DIRAS3: variants seen among roughly 807,000 people sequenced by gnomAD.
DIRAS3 encodes the protein DIRAS family GTPase 3.
For missense variants in DIRAS3, 248 were observed against 300.6 expected (o/e 0.83, Z 1.29); for synonymous variants, 133 against 131.4 (o/e 1.01, Z -0.08).
In DIRAS3 at chr1:68,046,930, G is replaced by T; in HGVS notation, c.368C>A (p.Thr123Asn). The T allele has an allele frequency of 6.2e-7, 1 of 1,614,146 alleles. No individual in the cohort carries two copies. Among genetic ancestry groups the T allele is most frequent in the Non-Finnish European group, 8.5e-7 (1 of 1,180,028 alleles). The change falls in exon 2 of 2, where the codon ACC becomes AAC. Residue 123 changes from threonine (T) to asparagine (N), a missense_variant. By Grantham distance (65) the Thr-to-Asn change is moderately conservative. Coordinates refer to ENST00000646789, the MANE Select transcript of DIRAS3 (RefSeq NM_004675.5). Reference protein sequence around the residue: ...VLVYSVTKKETLEELKAFYEL... With the variant: ...VLVYSVTKKENLEELKAFYEL... Reference sequence around the variant, plus strand: ...ATAGAAGGCCTTCAGCTCTTCCAGGGTTTCCTTCTTGGTGACTGAGTAGAC... The same window carrying T: ...ATAGAAGGCCTTCAGCTCTTCCAGGTTTTCCTTCTTGGTGACTGAGTAGAC...
At chr1:68,047,526 C>T (rs529163348) in intron 1 of DIRAS3, among the ~76,000 whole-genome samples, 164 bp from the exon 2 acceptor site, 1 of 152,194 alleles carries the variant, frequency 6.6e-6, no homozygotes, top group East Asian at 1.9e-4. Flanking sequence ...ACAGTTCAGC[C>T]TGCTAGACCG....
At chr1:68,049,966 C>CCCCG (rs1553174085) in intron 1 of DIRAS3, among the ~76,000 whole-genome samples, 3 of 148,540 alleles carry the variant, frequency 2.0e-5, no homozygotes, top group African/African-American at 7.8e-5. Flanking sequence ...GTGGACCCCC[C>CCCCG]CCCCCACTCC....
At position 68,046,550 on chromosome 1, in the gene DIRAS3, G is replaced by T; in HGVS notation, c.*58C>A. ...CCATGTACATGTAACATAGTGAAATGAGTCCACGTTTTCTACACGCTACAG... is the reference window on the plus strand; with the variant it reads ...CCATGTACATGTAACATAGTGAAATTAGTCCACGTTTTCTACACGCTACAG... On this transcript the variant is annotated 3_prime_UTR_variant, in exon 2 of 2. Transcript: ENST00000646789. 1 of 1,483,190 alleles carries T rather than the reference G, an allele frequency of 6.7e-7. No individual in the cohort carries two copies. Among genetic ancestry groups the T allele is most frequent in the Non-Finnish European group, 9.2e-7 (1 of 1,089,232 alleles). 91.9% of individuals were successfully genotyped at this position (1,483,190 alleles called of 1,614,324 possible).
chr1:68,048,049 AATATATATATATATATATAT>A lies in DIRAS3; in HGVS notation c.-65-707_-65-688del, dbSNP rs57871159. Among the ~76,000 whole-genome samples, 11 of 7,272 alleles carry A rather than the reference AATATATATATATATATATAT, an allele frequency of 1.5e-3. No individual in the cohort carries two copies. The South Asian group carries it at 0.025, about 16-fold the overall frequency. The allele number at this position is 7,272 out of a possible 152,430, so 4.8% of individuals were successfully genotyped here. Reference sequence around the variant, plus strand: ...AAAAAAAAAAAAAAAAAAAAAAAAAAATATATATATATATATATATATATATATATATATGAACCTTTCTC... The same window carrying A: ...AAAAAAAAAAAAAAAAAAAAAAAAAAATATATATATATATGAACCTTTCTC... On this transcript the variant is annotated intron_variant, in intron 1 of 1. Transcript: ENST00000646789.
At position 68,047,121 on chromosome 1, in the gene DIRAS3, G is replaced by A. The variant is rs1297000024; in HGVS notation, c.177C>T (p.Ser59=). 2.5e-6 allele frequency: 4 copies of A among 1,614,036 alleles called. No individual in the cohort carries two copies. The African/African-American group carries it at 5.3e-5, about 22-fold the overall frequency. Reference sequence around the variant, plus strand: ...GCAGGTACTCATGACGGAAGTTGCCGCTCGCCCACTTGTGCAGCAGCGTAC... The same window carrying A: ...GCAGGTACTCATGACGGAAGTTGCCACTCGCCCACTTGTGCAGCAGCGTAC... ...GKSTLLHKWA[S]GNFRHEYLPT... Residue 59 remains serine, a synonymous_variant, in exon 2 of 2, where the codon AGC becomes AGT. Coordinates refer to ENST00000646789, the MANE Select transcript of DIRAS3 (RefSeq NM_004675.5).
At chr1:68,049,965 C>G (rs375258423) in intron 1 of DIRAS3, among the ~76,000 whole-genome samples, 1 of 148,288 alleles carries the variant, frequency 6.7e-6, no homozygotes, top group Non-Finnish European at 1.5e-5. Flanking sequence ...AGTGGACCCC[C>G]CCCCCCACTC....
intron 1 of DIRAS3, among the ~76,000 whole-genome samples, chr1:68,047,843 G>C (rs1425716161): frequency 6.7e-6 from 1 of 150,144 alleles, no homozygotes; most frequent in Non-Finnish European, 1.5e-5. Context: ...CAGGAGAAAG[G>C]AGGGGGTTTT....
At chr1:68,049,424 G>C (rs1397520502) in intron 1 of DIRAS3, 1 of 152,532 alleles carries the variant, frequency 6.6e-6, no homozygotes, top group Non-Finnish European at 1.5e-5. Context: ...ACCTTTAATA[G>C]AATTTAGCTT....
rs115584933 is a variant in DIRAS3, at chr1:68,050,019, C to A, written c.-66+529G>T. On this transcript the variant is annotated intron_variant, in intron 1 of 1. Coordinates refer to ENST00000646789, the MANE Select transcript of DIRAS3 (RefSeq NM_004675.5). This position sits in a 1 kb window ranked among gnomAD's most constrained non-coding sequence, Gnocchi z 4.5. ...CCTTCCCAGGCCACCTGGCCTCAGG[C>A]TGAGGGGGAGGTGAAAGTTTCCAGG... Among the ~76,000 whole-genome samples, 1,309 of 142,044 alleles carry A rather than the reference C, an allele frequency of 9.2e-3. 20 individuals are homozygous for A. Among genetic ancestry groups the A allele is most frequent in the African/African-American group, 0.032 (1,263 of 39,012 alleles). 93.2% of individuals were successfully genotyped at this position (142,044 alleles called of 152,430 possible).
Position 68,050,550 on chromosome 1 carries a change from T to G in DIRAS3, c.-68A>C, listed in dbSNP as rs1031671869. On this transcript the variant is annotated splice_region_variant and 5_prime_UTR_variant, in exon 1 of 2. Transcript: ENST00000646789. The surrounding 1 kb of genome is among the most constrained non-coding windows in gnomAD (Gnocchi z 4.5). ...AAAAAAGCGAAAGAAAGACTTACCTTTCTCGGAGGCACGAACCAAGCAGCC... is the reference window on the plus strand; with the variant it reads ...AAAAAAGCGAAAGAAAGACTTACCTGTCTCGGAGGCACGAACCAAGCAGCC... The G allele has an allele frequency of 6.6e-6, 1 of 152,120 alleles. No homozygotes were observed. The highest frequency in any genetic ancestry group is 1.5e-5 in the Non-Finnish European group (1 of 68,036). 9.4% of individuals were successfully genotyped at this position (152,120 alleles called of 1,614,324 possible).
chr1:68,047,122 C>T lies in DIRAS3; in HGVS notation c.176G>A (p.Ser59Asn). Residue 59 changes from serine (S) to asparagine (N), a missense_variant, in exon 2 of 2, where the codon AGC (serine) becomes AAC (asparagine). Transcript: ENST00000646789. Reference sequence around the variant, plus strand: ...CAGGTACTCATGACGGAAGTTGCCGCTCGCCCACTTGTGCAGCAGCGTACT... The same window carrying T: ...CAGGTACTCATGACGGAAGTTGCCGTTCGCCCACTTGTGCAGCAGCGTACT... ...GKSTLLHKWA[S>N]GNFRHEYLPT... 2 of 1,614,206 alleles carry T rather than the reference C, an allele frequency of 1.2e-6. No individual in the cohort carries two copies. Among genetic ancestry groups the T allele is most frequent in the East Asian group, 2.2e-5 (1 of 44,876 alleles).
intron 1 of DIRAS3, among the ~76,000 whole-genome samples, chr1:68,047,922 G>A (rs1645689243): frequency 6.8e-6 from 1 of 147,640 alleles, no homozygotes; most frequent in South Asian, 2.2e-4. Context: ...AAGAGGCATG[G>A]GGAGCACCTT....
Position 68,047,002 on chromosome 1 carries a change from C to A in DIRAS3, c.296G>T (p.Arg99Leu), listed in dbSNP as rs776654083. 8 of 1,614,044 alleles carry A rather than the reference C, an allele frequency of 5.0e-6. No homozygotes were observed. Among genetic ancestry groups the A allele is most frequent in the Non-Finnish European group, 5.1e-6 (6 of 1,180,046 alleles). Residue 99 changes from arginine (R) to leucine (L), a missense_variant, in exon 2 of 2, where the codon CGC becomes CTC. Coordinates refer to ENST00000646789, the MANE Select transcript of DIRAS3 (RefSeq NM_004675.5). ...GGCTATAACGTGGCGCTGCAGAGCGCGGTTGCCGTCGCCACTCTTGCTGTC... is the reference window on the plus strand; with the variant it reads ...GGCTATAACGTGGCGCTGCAGAGCGAGGTTGCCGTCGCCACTCTTGCTGTC... ...ITDSKSGDGN[R>L]ALQRHVIARG...
At position 68,046,719 on chromosome 1, in the gene DIRAS3, G is replaced by A. The variant is rs1354438780; in HGVS notation, c.579C>T (p.His193=). 1.4e-5 allele frequency: 23 copies of A among 1,614,160 alleles called. No homozygotes were observed. The highest frequency in any genetic ancestry group is 1.8e-5 in the Non-Finnish European group (21 of 1,180,026). Residue 193 remains histidine, a synonymous_variant, in exon 2 of 2, where the codon CAC becomes CAT. Transcript: ENST00000646789. ...GCTTTTTCTTGTAATTCAGCAGCATGTGGAACAGCTCCTGCACATTCACAT... is the reference window on the plus strand; with the variant it reads ...GCTTTTTCTTGTAATTCAGCAGCATATGGAACAGCTCCTGCACATTCACAT... ...KTDVNVQELF[H]MLLNYKKKPT... is the part of the protein sequence containing the mutation.
At chr1:68,049,169 T>C (rs1260147655) in intron 1 of DIRAS3, among the ~76,000 whole-genome samples, 1 of 152,196 alleles carries the variant, frequency 6.6e-6, no homozygotes. Flanking sequence ...TAAACTTAAG[T>C]GGCAAAATTT....
Position 68,049,096 on chromosome 1 carries a change from A to G in DIRAS3, c.-66+1452T>C, listed in dbSNP as rs577681543. Among the ~76,000 whole-genome samples the G allele has an allele frequency of 2.1e-4, 32 of 152,242 alleles. 1 individual carries two copies. Among genetic ancestry groups the G allele is most frequent in the Middle Eastern group, 3.4e-3 (1 of 294 alleles). On this transcript the variant is annotated intron_variant, in intron 1 of 1. Transcript: ENST00000646789. Reference sequence around the variant, plus strand: ...TGTTGTTGCTGGTTGTTATATCTTCAGACTTAACTTGCTTCTAATTCTAGT... The same window carrying G: ...TGTTGTTGCTGGTTGTTATATCTTCGGACTTAACTTGCTTCTAATTCTAGT...
chr1:68,046,454 A>C lies in DIRAS3; in HGVS notation c.*154T>G, dbSNP rs561450249. 3 of 677,726 alleles carry C rather than the reference A, an allele frequency of 4.4e-6. No individual in the cohort carries two copies. In the African/African-American group the frequency reaches 5.4e-5, roughly 12 times the overall value. The allele number at this position is 677,726 out of a possible 1,614,324, so 42.0% of individuals were successfully genotyped here. On this transcript the variant is annotated 3_prime_UTR_variant, in exon 2 of 2. Transcript: ENST00000646789. ...GAATTCTCTGGCCTGGGAAAAAGAA[A>C]AGTTATCCACTTACAAGGTATACGT...
Position 68,047,356 on chromosome 1 carries a change from G to A in DIRAS3, c.-59C>T. On this transcript the variant is annotated 5_prime_UTR_variant, in exon 2 of 2. Transcript: ENST00000646789. ...TTCTCCCACACTTAGCTGGCAGCAG[G>A]AGACCCCTAGGAAGAAAGTGAGACG... 2 of 1,496,954 alleles carry A rather than the reference G, an allele frequency of 1.3e-6. No individual in the cohort carries two copies. Among genetic ancestry groups the A allele is most frequent in the Non-Finnish European group, 1.8e-6 (2 of 1,098,384 alleles). The allele number at this position is 1,496,954 out of a possible 1,614,324, so 92.7% of individuals were successfully genotyped here. A position where few individuals can be genotyped will look rare whatever the true frequency, so the allele number is the denominator to read the frequency against.
intron 1 of DIRAS3, among the ~76,000 whole-genome samples, chr1:68,048,693 T>C (rs1645702881): frequency 6.6e-6 from 1 of 151,718 alleles, no homozygotes; most frequent in Non-Finnish European, 1.5e-5. Flanking sequence ...GCAAGTCCCA[T>C]GAGAGAGTAA....
Sources: allele counts gnomAD v4.1 joint callset (sites outside exome capture counted in the v4.1 genomes callset), GRCh38; gene constraint gnomAD v4.1.1; non-coding constraint Gnocchi (gnomAD v3.1); transcripts MANE v1.5; gene names NCBI Gene and HGNC (gene_info 2026-07-23, HGNC 2026-07-21).